The following NFIB variants were observed in gnomAD, a reference collection of about 807,000 sequenced individuals.
NFIB encodes nuclear factor I B.
A neutral mutation model predicts 61.5 loss-of-function variants in NFIB; 11 were observed. The observed-to-expected ratio is 0.18, with a 90% CI of 0.11 to 0.30. The LOEUF is 0.30. Ranked by LOEUF, NFIB falls within the 10% of genes least tolerant of loss-of-function variation. NFIB has a pLI of 1.00. For missense variants in NFIB, 471 were observed against 608.9 expected, an observed-to-expected ratio of 0.77 and a Z score of 2.38; for synonymous variants, 260 against 216.5, an observed-to-expected ratio of 1.20 and a Z score of -1.76.
chr9:14,431,270 C>T, the NFIB span, among the ~76,000 whole-genome samples: 1 of 152,274 alleles, frequency 6.6e-6, no homozygotes, highest in East Asian at 1.9e-4. Context: ...AAGAGTGAAC[C>T]AGGACTGCAA....
At chr9:14,159,510 A>G (rs2043891144) in intron 3 of NFIB, among the ~76,000 whole-genome samples, 1 of 152,176 alleles carries the variant, frequency 6.6e-6, no homozygotes, top group South Asian at 2.1e-4. Flanking sequence ...GGGACAGGTG[A>G]GAATCAGCCA....
chr9:14,170,304 G>C (rs2045424269), intron 3 of NFIB, among the ~76,000 whole-genome samples: 1 of 152,144 alleles, frequency 6.6e-6, no homozygotes, highest in Non-Finnish European at 1.5e-5. Flanking sequence ...GAGAGGGAAA[G>C]AATTTAAACT....
chr9:14,353,501 G>A (rs979973442), intron 1 of NFIB, among the ~76,000 whole-genome samples: 1 of 152,194 alleles, frequency 6.6e-6, no homozygotes, highest in Non-Finnish European at 1.5e-5. Context: ...AGCATGAGGA[G>A]GAAGCAGAAA....
the NFIB span, among the ~76,000 whole-genome samples, chr9:14,462,492 C>T: frequency 6.6e-6 from 1 of 152,028 alleles, no homozygotes; most frequent in Non-Finnish European, 1.5e-5. Flanking sequence ...CTGTGTTAGC[C>T]AGGATGGTCT....
chr9:14,204,440 C>T (rs1011814562), intron 2 of NFIB: 13 of 1,106,776 alleles, frequency 1.2e-5, no homozygotes, highest in South Asian at 3.7e-5. Flanking sequence ...CAGGTTGCAG[C>T]GGCAGAGAGT....
At chr9:14,414,511 ATTTTTTTT>A in the NFIB span, among the ~76,000 whole-genome samples, 151 of 119,996 alleles carry the variant, frequency 1.3e-3, 1 homozygote, top group Admixed American at 4.8e-3. Flanking sequence ...CACGTTTTGT[ATTTTTTTT>A]TTTTTTTTTT....
intron 2 of NFIB, among the ~76,000 whole-genome samples, chr9:14,231,135 A>AATATATATAT (rs1554681460): frequency 1.1e-3 from 38 of 35,334 alleles, no homozygotes; most frequent in East Asian, 3.4e-3. Flanking sequence ...AAAAAAAAAA[A>AATATATATAT]ATATATATAT....
At chr9:14,326,236 A>G (rs949428911) in intron 1 of NFIB, among the ~76,000 whole-genome samples, 2 of 152,210 alleles carry the variant, frequency 1.3e-5, no homozygotes, top group African/African-American at 2.4e-5. Flanking sequence ...GTAATTCATT[A>G]TGCCTCTTCT....
At chr9:14,200,503 G>T (rs558191563) in intron 2 of NFIB, among the ~76,000 whole-genome samples, 1 of 152,308 alleles carries the variant, frequency 6.6e-6, no homozygotes, top group Non-Finnish European at 1.5e-5. Flanking sequence ...CTAAGTATGT[G>T]TTTCAGCTCC....
intron 1 of NFIB, among the ~76,000 whole-genome samples, chr9:14,360,218 C>A (rs2061222517): frequency 6.6e-6 from 1 of 152,224 alleles, no homozygotes; most frequent in East Asian, 1.9e-4. Flanking sequence ...TTAAGCCCAA[C>A]CCTTATCTAA....
chr9:14,334,866 C>G (rs2060867083), intron 1 of NFIB, among the ~76,000 whole-genome samples: 1 of 152,156 alleles, frequency 6.6e-6, no homozygotes, highest in Non-Finnish European at 1.5e-5. Flanking sequence ...TCCCTTACAA[C>G]CACTGATCTA....
At chr9:14,404,955 G>C in the NFIB span, among the ~76,000 whole-genome samples, 3 of 152,322 alleles carry the variant, frequency 2.0e-5, no homozygotes, top group South Asian at 4.1e-4. Flanking sequence ...TTACGGAAGA[G>C]ACTCCGTGTA....
At chr9:14,442,546 T>A in the NFIB span, among the ~76,000 whole-genome samples, 1 of 152,116 alleles carries the variant, frequency 6.6e-6, no homozygotes, top group East Asian at 1.9e-4. Context: ...CAGGGCTGGT[T>A]CCTTCTGAGG....
intron 1 of NFIB, among the ~76,000 whole-genome samples, chr9:14,391,136 T>C (rs979140880): frequency 2.0e-5 from 3 of 152,216 alleles, no homozygotes; most frequent in Non-Finnish European, 2.9e-5. Flanking sequence ...GAGTAAAGTA[T>C]AGAGAGAAGA....
At chr9:14,372,735 A>G (rs1246008140) in intron 1 of NFIB, among the ~76,000 whole-genome samples, 1 of 152,182 alleles carries the variant, frequency 6.6e-6, no homozygotes, top group African/African-American at 2.4e-5. Context: ...TAATTATAAA[A>G]TGGCATTGCA....
intron 6 of NFIB, among the ~76,000 whole-genome samples, chr9:14,133,456 A>G (rs1014776399): frequency 6.6e-6 from 1 of 152,236 alleles, no homozygotes; most frequent in Non-Finnish European, 1.5e-5. Flanking sequence ...AAAATAAATA[A>G]GGTAGTAAAT....
At position 14,088,041 on chromosome 9, in the gene NFIB, A is replaced by C; in HGVS notation, c.*268T>G. 3.5e-6 allele frequency: 2 copies of C among 567,000 alleles called. No homozygotes were observed. The highest frequency in any genetic ancestry group is 3.6e-5 in the East Asian group (1 of 28,078). 35.1% of individuals were successfully genotyped at this position (567,000 alleles called of 1,614,324 possible). A position where few individuals can be genotyped will look rare whatever the true frequency, so the allele number is the denominator to read the frequency against. ...TCATTACAGTTTCAACCTTAAGGGA[A>C]TTAGTGATTGTAAGTGCTGCAATTG... On this transcript the variant is annotated 3_prime_UTR_variant, in exon 11 of 11. Coordinates refer to ENST00000380953, the MANE Select transcript of NFIB (RefSeq NM_001190737.2).
chr9:14,174,824 C>G (rs1391544606), intron 3 of NFIB, among the ~76,000 whole-genome samples: 1 of 150,338 alleles, frequency 6.7e-6, no homozygotes, highest in Non-Finnish European at 1.5e-5. Context: ...GAGTAAATTT[C>G]TCTTTTCTTT....
the NFIB span, among the ~76,000 whole-genome samples, chr9:14,495,358 C>G: frequency 6.6e-6 from 1 of 151,140 alleles, no homozygotes; most frequent in Non-Finnish European, 1.5e-5. Flanking sequence ...AACATATCTA[C>G]GGGGATTTCA....
Sources: allele counts gnomAD v4.1 joint callset (sites outside exome capture counted in the v4.1 genomes callset), GRCh38; gene constraint gnomAD v4.1.1; transcripts MANE v1.5; gene names NCBI Gene and HGNC (gene_info 2026-07-23, HGNC 2026-07-21).